Variants in EPB41L5 observed in about 807,000 individuals in gnomAD.
The protein encoded by EPB41L5 is erythrocyte membrane protein band 4.1 like 5.
In EPB41L5, 55 loss-of-function variants were observed where a neutral mutation model predicts 106.6. That is an observed-to-expected ratio of 0.52 (90% confidence interval 0.42 to 0.65). The LOEUF (loss-of-function observed/expected upper bound fraction) is 0.65, where lower values mean the gene tolerates loss of function less well. Among genes scored for constraint, EPB41L5 ranks in the 30% least tolerant of loss-of-function variants. EPB41L5 has a pLI of 0.00. For missense variants in EPB41L5, 871 were observed against 882.1 expected (o/e 0.99, Z 0.16); for synonymous variants, 297 against 306.7 (o/e 0.97, Z 0.33).
intron 16 of EPB41L5, chr2:120,105,554 T>C: frequency 4.3e-5 from 42 of 985,286 alleles, no homozygotes; most frequent in Non-Finnish European, 4.9e-5. Context: ...TAAGCAGAAC[T>C]GACTAATATT....
intron 14 of EPB41L5, among the ~76,000 whole-genome samples, chr2:120,096,009 A>G (rs1347422098): frequency 6.6e-6 from 1 of 152,134 alleles, no homozygotes; most frequent in Middle Eastern, 3.2e-3. Context: ...CAATGAGGCT[A>G]TATCTGTGGT....
intron 16 of EPB41L5, chr2:120,105,120 A>C: frequency 1.0e-6 from 1 of 977,828 alleles, no homozygotes; most frequent in Non-Finnish European, 1.2e-6. Context: ...AAACCATATG[A>C]TTTTTAGATT....
At chr2:120,121,224 C>T (rs1685201775) in intron 16 of EPB41L5, among the ~76,000 whole-genome samples, 1 of 152,154 alleles carries the variant, frequency 6.6e-6, no homozygotes, top group South Asian at 2.1e-4. Flanking sequence ...TTTTATTATA[C>T]TTAAGTTCTA....
At chr2:120,017,903 T>C (rs1474069575) in intron 1 of EPB41L5, among the ~76,000 whole-genome samples, 1 of 151,484 alleles carries the variant, frequency 6.6e-6, no homozygotes. Flanking sequence ...TTCACGCCAT[T>C]CTCCTGCCTC....
rs541032603 is a variant in EPB41L5 at position 120,156,484 on chromosome 2, A to G, written c.1794-4397A>G. ...CTTTGTTTCCTTGCCCCACCAGTGC[A>G]CCTATGTCCATGCACCCTGCCCTGC... On this transcript the variant is annotated intron_variant, in intron 20 of 24. Coordinates refer to ENST00000263713, the MANE Select transcript of EPB41L5 (RefSeq NM_020909.4). 2.0e-5 allele frequency among the ~76,000 whole-genome samples: 3 copies of G among 152,188 alleles called. No individual in the cohort carries two copies. The East Asian group carries it at 5.8e-4, about 29-fold the overall frequency.
rs564882329 is a variant in EPB41L5 at position 120,143,007 on chromosome 2, A to T, written c.1604A>T (p.Glu535Val). 1 of 1,611,272 alleles carries T rather than the reference A, an allele frequency of 6.2e-7. No individual in the cohort carries two copies. The highest frequency in any genetic ancestry group is 2.2e-5 in the East Asian group (1 of 44,822). Residue 535 changes from glutamate to valine, a missense_variant, in exon 19 of 25, where the codon GAA (glutamate) becomes GTA (valine). Transcript: ENST00000263713. ...NIDVNINSQEEVVKLTEKCLN... is the reference protein window; with the variant it reads ...NIDVNINSQEVVVKLTEKCLN... ...GTATATTTTTAAAATATCTAGGAGG[A>T]AGTGGTGAAGTTGACTGAGAAATGC... is the stretch of plus-strand genomic sequence containing the variant.
intron 18 of EPB41L5, among the ~76,000 whole-genome samples, chr2:120,139,618 C>G (rs1422756724): frequency 6.6e-6 from 1 of 152,082 alleles, no homozygotes; most frequent in Non-Finnish European, 1.5e-5. Context: ...CCAATCAAAA[C>G]TCCAGTGAGA....
intron 11 of EPB41L5, among the ~76,000 whole-genome samples, 155 bp downstream of exon 11, chr2:120,087,395 A>G (rs552597383): frequency 1.3e-5 from 2 of 152,366 alleles, no homozygotes; most frequent in African/African-American, 4.8e-5. Flanking sequence ...TACTTGGGTC[A>G]TACCATGCTA....
At chr2:120,038,777 T>C (rs1319751857) in intron 2 of EPB41L5, among the ~76,000 whole-genome samples, 1 of 151,964 alleles carries the variant, frequency 6.6e-6, no homozygotes, top group Non-Finnish European at 1.5e-5. Context: ...AATATATAAA[T>C]AGTTAAACAC....
At chr2:120,163,979 A>AATTTTTT (rs1687268274) in intron 21 of EPB41L5, among the ~76,000 whole-genome samples, 4 of 39,406 alleles carry the variant, frequency 1.0e-4, no homozygotes, top group African/African-American at 7.5e-5. Flanking sequence ...TTTTGTATTT[A>AATTTTTT]CTTTTTTTTT....
At chr2:120,013,531 T>C (rs1677291240) in intron 1 of EPB41L5, 1 of 152,102 alleles carries the variant, frequency 6.6e-6, no homozygotes, top group Admixed American at 6.5e-5. Flanking sequence ...CGGGTACCCC[T>C]CGCTGGTCCG....
intron 18 of EPB41L5, among the ~76,000 whole-genome samples, chr2:120,134,324 T>C (rs1574732913): frequency 6.6e-6 from 1 of 152,266 alleles, no homozygotes; most frequent in East Asian, 1.9e-4. Context: ...CCCTAGCTCC[T>C]TAGACGGCAT....
intron 18 of EPB41L5, among the ~76,000 whole-genome samples, chr2:120,135,812 C>G (rs1685900385): frequency 6.6e-6 from 1 of 152,018 alleles, no homozygotes; most frequent in Admixed American, 6.6e-5. Context: ...AGGGATTTCA[C>G]CAGACCTGTC....
chr2:120,088,821 A>G (rs1237069346), intron 11 of EPB41L5, among the ~76,000 whole-genome samples: 1 of 152,148 alleles, frequency 6.6e-6, no homozygotes, highest in African/African-American at 2.4e-5. Flanking sequence ...TCCCCTAATG[A>G]CAACTCTGGT....
intron 1 of EPB41L5, among the ~76,000 whole-genome samples, chr2:120,017,729 T>G (rs1677617483): frequency 6.6e-6 from 1 of 152,222 alleles, no homozygotes; most frequent in African/African-American, 2.4e-5. Context: ...TTGAATTATA[T>G]CTGTATTTTA....
At chr2:120,085,288 G>A (rs4436960) in intron 10 of EPB41L5, among the ~76,000 whole-genome samples, 103,348 of 152,026 alleles carry the variant, frequency 0.68, 36,940 homozygotes, top group Non-Finnish European at 0.79. Flanking sequence ...GGTGATGTAC[G>A]GATGGGGTTT....
chr2:120,063,353 A>G (rs1574568778), intron 3 of EPB41L5, among the ~76,000 whole-genome samples: 1 of 151,928 alleles, frequency 6.6e-6, no homozygotes, highest in East Asian at 1.9e-4. Flanking sequence ...AAAAAAAAAA[A>G]AAAAAAAGTG....
At chr2:120,102,365 A>T (rs1684195529) in intron 16 of EPB41L5, among the ~76,000 whole-genome samples, 1 of 152,170 alleles carries the variant, frequency 6.6e-6, no homozygotes, top group Non-Finnish European at 1.5e-5. Context: ...GGTTGTGCTG[A>T]GACCTCCTTT....
At chr2:120,099,466 C>T (rs1164771511) in intron 14 of EPB41L5, among the ~76,000 whole-genome samples, 8 of 150,558 alleles carry the variant, frequency 5.3e-5, no homozygotes, top group African/African-American at 1.5e-4. Flanking sequence ...CTCGCCCTGT[C>T]GCCCAGGCCG....
Sources: allele counts gnomAD v4.1 joint callset (sites outside exome capture counted in the v4.1 genomes callset), GRCh38; gene constraint gnomAD v4.1.1; transcripts MANE v1.5; gene names NCBI Gene and HGNC (gene_info 2026-07-23, HGNC 2026-07-21).